The following SLC35F1 variants were observed in gnomAD, a reference collection of about 807,000 sequenced individuals.
The protein encoded by SLC35F1 is chromosome 6 open reading frame 169.
Under a neutral mutation model 48.7 loss-of-function variants are expected in SLC35F1, and 14 were observed. That is an observed-to-expected ratio of 0.29 (90% confidence interval 0.19 to 0.45). The LOEUF is 0.45. Ranked by LOEUF, SLC35F1 falls within the 20% of genes least tolerant of loss-of-function variation. The probability of loss-of-function intolerance (pLI) is 1.00; values close to 1 mark genes in which losing one functional copy is unlikely to be tolerated. For missense variants in SLC35F1, 404 were observed against 500.0 expected, an observed-to-expected ratio of 0.81 and a Z score of 1.83; for synonymous variants, 190 against 202.2, an observed-to-expected ratio of 0.94 and a Z score of 0.51.
At chr6:118,215,224 T>C (rs1775056084) in intron 2 of SLC35F1, among the ~76,000 whole-genome samples, 1 of 152,060 alleles carries the variant, frequency 6.6e-6, no homozygotes, top group African/African-American at 2.4e-5. Context: ...GGGATTTCTA[T>C]ATTTGGCCAG....
At chr6:117,941,402 A>G (rs1026987673) in intron 1 of SLC35F1, among the ~76,000 whole-genome samples, 2 of 152,338 alleles carry the variant, frequency 1.3e-5, no homozygotes, top group African/African-American at 4.8e-5. Flanking sequence ...ATTCAGTTCT[A>G]TGATCAAGAT....
chr6:118,044,480 G>T (rs569034920), intron 1 of SLC35F1, among the ~76,000 whole-genome samples: 1 of 152,130 alleles, frequency 6.6e-6, no homozygotes, highest in Admixed American at 6.5e-5. Context: ...TTGCAGGGAG[G>T]GTGTTTCCTG....
At chr6:117,908,848 G>T (rs563263565) in intron 1 of SLC35F1, among the ~76,000 whole-genome samples, 1 of 152,278 alleles carries the variant, frequency 6.6e-6, no homozygotes, top group Admixed American at 6.5e-5. Context: ...CATCTGTAGG[G>T]GTAACTGTTC....
chr6:118,277,942 G>A (rs1180002957), intron 6 of SLC35F1, among the ~76,000 whole-genome samples: 3 of 152,118 alleles, frequency 2.0e-5, no homozygotes, highest in African/African-American at 7.2e-5. Context: ...GAAAAAAACT[G>A]AACTTAACAA....
In SLC35F1 at chr6:118,275,374, G is replaced by T; in HGVS notation, c.638-85G>T. Reference sequence around the variant, plus strand: ...AAAAATGTCAAAATAGAATAGGCAAGGGAAGCTCAATTTGCCGATGCCAGA... The same window carrying T: ...AAAAATGTCAAAATAGAATAGGCAATGGAAGCTCAATTTGCCGATGCCAGA... On this transcript the variant is annotated intron_variant, in intron 4 of 7. Coordinates refer to ENST00000360388, the MANE Select transcript of SLC35F1 (RefSeq NM_001029858.4). The T allele has an allele frequency of 3.5e-6, 5 of 1,410,178 alleles. No individual in the cohort carries two copies. The South Asian group carries it at 4.1e-5, about 12-fold the overall frequency. The allele number at this position is 1,410,178 out of a possible 1,614,324, so 87.4% of individuals were successfully genotyped here. A position where few individuals can be genotyped will look rare whatever the true frequency, so the allele number is the denominator to read the frequency against.
At chr6:118,094,799 C>T (rs1773125311) in intron 1 of SLC35F1, among the ~76,000 whole-genome samples, 1 of 151,956 alleles carries the variant, frequency 6.6e-6, no homozygotes, top group African/African-American at 2.4e-5. Context: ...GAAACCCTGT[C>T]TCTACTAAAA....
chr6:118,299,567 G>A (rs770044025), intron 7 of SLC35F1, among the ~76,000 whole-genome samples: 27 of 152,142 alleles, frequency 1.8e-4, no homozygotes, highest in Non-Finnish European at 3.4e-4. Flanking sequence ...CAAATCACAA[G>A]ATCTAGAAGC....
chr6:118,212,727 A>AAAGGAAGGAAGGAAGGAAGG (rs755835187), intron 2 of SLC35F1, among the ~76,000 whole-genome samples: 10 of 93,644 alleles, frequency 1.1e-4, no homozygotes, highest in East Asian at 3.0e-4. Context: ...GGAAGGAAGG[A>AAAGGAAGGAAGGAAGGAAGG]AAGGAAGGAA....
At chr6:117,939,493 G>A (rs1776202713) in intron 1 of SLC35F1, among the ~76,000 whole-genome samples, 1 of 152,138 alleles carries the variant, frequency 6.6e-6, no homozygotes, top group South Asian at 2.1e-4. Context: ...AGATTCTGTG[G>A]CCATTCTGGA....
chr6:118,205,542 C>A (rs772828141), intron 2 of SLC35F1, among the ~76,000 whole-genome samples: 2 of 152,098 alleles, frequency 1.3e-5, no homozygotes, highest in African/African-American at 4.8e-5. Context: ...AGAACACTTG[C>A]GCATTGCTGG....
chr6:117,999,315 A>G (rs1777050732), intron 1 of SLC35F1: 1 of 1,595,858 alleles, frequency 6.3e-7, no homozygotes, highest in Non-Finnish European at 8.5e-7. Context: ...CGTATTGCCA[A>G]GGGGCTCAGG....
At chr6:118,105,580 G>T (rs1438014240) in intron 1 of SLC35F1, among the ~76,000 whole-genome samples, 2 of 152,114 alleles carry the variant, frequency 1.3e-5, no homozygotes, top group Admixed American at 1.3e-4. Flanking sequence ...TCTACGCATT[G>T]CCCAGGCATT....
At chr6:118,295,137 G>A (rs1224758224) in intron 7 of SLC35F1, among the ~76,000 whole-genome samples, 2 of 152,024 alleles carry the variant, frequency 1.3e-5, no homozygotes, top group Non-Finnish European at 2.9e-5. Flanking sequence ...TCCCATATGT[G>A]CCAGCTTCTC....
chr6:118,125,207 G>C (rs1163356000), intron 1 of SLC35F1, among the ~76,000 whole-genome samples: 1 of 152,150 alleles, frequency 6.6e-6, no homozygotes, highest in Non-Finnish European at 1.5e-5. Flanking sequence ...TTCAGGTTTT[G>C]CTTTCAGACT....
intron 2 of SLC35F1, among the ~76,000 whole-genome samples, chr6:118,171,352 T>A (rs962641430): frequency 6.6e-6 from 1 of 152,224 alleles, no homozygotes; most frequent in Non-Finnish European, 1.5e-5. Context: ...TTTTTCACTT[T>A]AGTTGTTGTG....
intron 1 of SLC35F1, among the ~76,000 whole-genome samples, chr6:118,104,476 C>G (rs1471262750): frequency 6.6e-6 from 1 of 152,126 alleles, no homozygotes; most frequent in Non-Finnish European, 1.5e-5. Flanking sequence ...ACAGTAAATG[C>G]TCAATAAATG....
At chr6:117,960,232 A>C (rs982648235) in intron 1 of SLC35F1, among the ~76,000 whole-genome samples, 1 of 151,470 alleles carries the variant, frequency 6.6e-6, no homozygotes, top group African/African-American at 2.4e-5. Flanking sequence ...AGATGTGTGT[A>C]TTCAGAACAC....
At chr6:118,007,271 T>G (rs1777186005) in intron 1 of SLC35F1, among the ~76,000 whole-genome samples, 1 of 152,152 alleles carries the variant, frequency 6.6e-6, no homozygotes, top group Admixed American at 6.6e-5. Flanking sequence ...TGATAACCTC[T>G]TAATCCGCTA....
chr6:117,934,192 A>T (rs17221710), intron 1 of SLC35F1, among the ~76,000 whole-genome samples: 2,010 of 152,262 alleles, frequency 0.013, 22 homozygotes, highest in Non-Finnish European at 0.021. Context: ...AATCAAACCC[A>T]TAGCTTTCAA....
Sources: allele counts gnomAD v4.1 joint callset (sites outside exome capture counted in the v4.1 genomes callset), GRCh38; gene constraint gnomAD v4.1.1; transcripts MANE v1.5; gene names NCBI Gene and HGNC (gene_info 2026-07-23, HGNC 2026-07-21).